Variants in CAPZA2 observed in about 807,000 individuals in gnomAD.
CAPZA2 encodes capping actin protein of muscle Z-line subunit alpha 2.
CAPZA2 carries 13 observed loss-of-function variants against 44.0 expected under a neutral mutation model. That is an observed-to-expected ratio of 0.30 (90% confidence interval 0.19 to 0.47). The LOEUF (loss-of-function observed/expected upper bound fraction) is 0.47. Among genes scored for constraint, CAPZA2 ranks in the 20% least tolerant of loss-of-function variants. The pLI is 1.00. For synonymous variants in CAPZA2, 94 were observed against 108.2 expected (o/e 0.87, Z 0.81); for missense variants, 244 against 338.6 (o/e 0.72, Z 2.19).
intron 1 of CAPZA2, among the ~76,000 whole-genome samples, chr7:116,881,689 A>G (rs1207578910): frequency 6.7e-6 from 1 of 149,216 alleles, no homozygotes; most frequent in African/African-American, 2.5e-5. Flanking sequence ...CAGTGAGCCA[A>G]GATCGCACCA....
At chr7:116,882,398 C>A (rs1266412399) in intron 1 of CAPZA2, among the ~76,000 whole-genome samples, 4 of 152,066 alleles carry the variant, frequency 2.6e-5, no homozygotes, top group Admixed American at 6.5e-5. Context: ...AGTATGGACT[C>A]ATAGATTCTT....
chr7:116,864,209 A>T (rs963805813), intron 1 of CAPZA2, among the ~76,000 whole-genome samples: 21 of 152,186 alleles, frequency 1.4e-4, no homozygotes, highest in African/African-American at 4.8e-4. Flanking sequence ...TTATTCTACC[A>T]TTCTTAAGTG....
intron 1 of CAPZA2, 31 bp from the exon 2 acceptor site, chr7:116,888,096 T>C (rs1253322842): frequency 2.0e-6 from 3 of 1,515,570 alleles, no homozygotes; most frequent in East Asian, 2.3e-5. Flanking sequence ...GCCTGTGATA[T>C]GGAACATTTA....
intron 1 of CAPZA2, among the ~76,000 whole-genome samples, chr7:116,882,837 T>G (rs1180285449): frequency 6.6e-6 from 1 of 152,232 alleles, no homozygotes. Context: ...AGGTTAACTT[T>G]TCAAAACCAC....
chr7:116,906,180 A>AT, intron 5 of CAPZA2, 83 bp from the exon 6 acceptor site: 1 of 1,543,710 alleles, frequency 6.5e-7, no homozygotes, highest in South Asian at 1.2e-5. Flanking sequence ...GTACTGTACA[A>AT]TTTGCAGTAT....
intron 1 of CAPZA2, among the ~76,000 whole-genome samples, chr7:116,877,770 A>G (rs1362556875): frequency 6.6e-6 from 1 of 152,214 alleles, no homozygotes; most frequent in African/African-American, 2.4e-5. Flanking sequence ...AAAGATTTTG[A>G]ACTTAATCTT....
chr7:116,890,569 CACATA>C (rs1796828845), intron 2 of CAPZA2, among the ~76,000 whole-genome samples: 1 of 26,968 alleles, frequency 3.7e-5, no homozygotes, highest in Non-Finnish European at 6.1e-5. Context: ...TATATATATA[CACATA>C]TATATATATA....
intron 5 of CAPZA2, among the ~76,000 whole-genome samples, chr7:116,905,992 ATCTAGAATGT>A (rs1441218397): frequency 3.9e-5 from 6 of 152,242 alleles, no homozygotes; most frequent in Non-Finnish European, 8.8e-5. Flanking sequence ...AAAGTAGATT[ATCTAGAATGT>A]TCGTGAATAT....
intron 1 of CAPZA2, among the ~76,000 whole-genome samples, chr7:116,868,848 C>T (rs149693383): frequency 1.5e-3 from 229 of 152,200 alleles, no homozygotes; most frequent in African/African-American, 5.3e-3. Context: ...GTTATTTCAC[C>T]AATAAAGTGT....
intron 1 of CAPZA2, among the ~76,000 whole-genome samples, chr7:116,878,056 A>G (rs998207219): frequency 6.6e-6 from 1 of 152,222 alleles, no homozygotes; most frequent in African/African-American, 2.4e-5. Flanking sequence ...AAGTAGTGGC[A>G]ATAATTTTAT....
At chr7:116,871,306 G>A (rs1298020821) in intron 1 of CAPZA2, among the ~76,000 whole-genome samples, 2 of 152,204 alleles carry the variant, frequency 1.3e-5, no homozygotes, top group Non-Finnish European at 2.9e-5. Context: ...AGAAGGAGCG[G>A]TGCTCAGTGT....
intron 7 of CAPZA2, among the ~76,000 whole-genome samples, chr7:116,911,228 C>T (rs915672050): frequency 3.5e-4 from 54 of 152,262 alleles, no homozygotes; most frequent in African/African-American, 1.3e-3. Flanking sequence ...ATTCACAGTA[C>T]AGTCTTCAGC....
intron 5 of CAPZA2, among the ~76,000 whole-genome samples, chr7:116,905,756 G>A (rs926169040): frequency 4.6e-5 from 7 of 152,174 alleles, no homozygotes; most frequent in African/African-American, 1.4e-4. Flanking sequence ...AAAGCAGTAG[G>A]CAAGAGGTGA....
intron 3 of CAPZA2, 30 bp downstream of exon 3, chr7:116,893,075 T>C (rs764602195): frequency 1.4e-6 from 2 of 1,401,838 alleles, no homozygotes; most frequent in Admixed American, 4.1e-5. Context: ...CTAACCTAAC[T>C]AAAATGACAT....
chr7:116,921,530 A>T lies in CAPZA2; in HGVS notation c.*3663A>T, dbSNP rs960039777. ...AAACCCCTTCTGTATTAAAAATACA[A>T]ATATTAGCCGGGCATGGTGGCACAT... On this transcript the variant is annotated 3_prime_UTR_variant, in exon 10 of 10. Coordinates refer to ENST00000361183, the MANE Select transcript of CAPZA2 (RefSeq NM_006136.3). 1 of 151,014 alleles carries T rather than the reference A, an allele frequency of 6.6e-6. No homozygotes were observed. Among genetic ancestry groups the T allele is most frequent in the East Asian group, 2.0e-4 (1 of 5,070 alleles). 9.4% of individuals were successfully genotyped at this position (151,014 alleles called of 1,614,324 possible). A position where few individuals can be genotyped will look rare whatever the true frequency, so the allele number is the denominator to read the frequency against.
intron 1 of CAPZA2, among the ~76,000 whole-genome samples, chr7:116,869,739 A>G (rs530217138): frequency 3.9e-4 from 59 of 152,370 alleles, no homozygotes; most frequent in African/African-American, 1.4e-3. Context: ...GTCTAGCGTG[A>G]GTTAGCAGAG....
intron 9 of CAPZA2, among the ~76,000 whole-genome samples, chr7:116,917,497 TC>T (rs1250966999): frequency 6.6e-6 from 1 of 152,200 alleles, no homozygotes; most frequent in Admixed American, 6.5e-5. Context: ...GACCTCGTGA[TC>T]CGCCCACCTC....
At chr7:116,888,979 C>T (rs1479787172) in intron 2 of CAPZA2, among the ~76,000 whole-genome samples, 1 of 152,148 alleles carries the variant, frequency 6.6e-6, no homozygotes, top group African/African-American at 2.4e-5. Flanking sequence ...CATTTTCATC[C>T]TGCATAGAGC....
At chr7:116,870,290 G>C (rs1208808338) in intron 1 of CAPZA2, among the ~76,000 whole-genome samples, 2 of 152,256 alleles carry the variant, frequency 1.3e-5, no homozygotes, top group East Asian at 3.9e-4. Flanking sequence ...TAGGGGTATG[G>C]TAAACATCAG....
Sources: gnomAD v4.1 joint callset for allele counts (sites outside exome capture counted in the v4.1 genomes callset) on GRCh38, gnomAD v4.1.1 for gene constraint, MANE v1.5 for transcripts, NCBI Gene and HGNC (gene_info 2026-07-23, HGNC 2026-07-21) for gene names.